Variants in PTPRQ observed in about 807,000 individuals in gnomAD.
PTPRQ encodes phosphatidylinositol phosphatase PTPRQ.
Under a neutral mutation model 246.0 loss-of-function variants are expected in PTPRQ, and 199 were observed. That is an observed-to-expected ratio of 0.81 (90% CI 0.72 to 0.91). The LOEUF is 0.91. PTPRQ is among the 40% of genes least tolerant of loss of function. PTPRQ has a pLI of 0.00. For missense variants in PTPRQ, 2,624 were observed against 2,528.4 expected, an observed-to-expected ratio of 1.04 and a Z score of -0.81; for synonymous variants, 869 against 853.2, an observed-to-expected ratio of 1.02 and a Z score of -0.32.
intron 42 of PTPRQ, 40 bp downstream of exon 42, chr12:80,670,532 C>G (rs1053988831): frequency 2.0e-5 from 29 of 1,426,052 alleles, no homozygotes; most frequent in Non-Finnish European, 2.7e-5. Context: ...ACCCATTGGT[C>G]TTTTTATTAT....
At chr12:80,657,863 T>C (rs925348301) in intron 38 of PTPRQ, 122 bp from the exon 39 acceptor site, 1 of 643,446 alleles carries the variant, frequency 1.6e-6, no homozygotes, top group Non-Finnish European at 2.3e-6. Context: ...CTTTTTAAAA[T>C]TTACCGCCAT....
rs1877814537 is a variant in PTPRQ at position 80,679,374 on chromosome 12, G to A, written c.*351G>A. Reference sequence around the variant, plus strand: ...TTCCCTATGTATTGGATTTAATTTTGAGCAAAAGTTGTAAATGTTGATTCA... The same window carrying A: ...TTCCCTATGTATTGGATTTAATTTTAAGCAAAAGTTGTAAATGTTGATTCA... On this transcript the variant is annotated 3_prime_UTR_variant, in exon 45 of 45. Transcript: ENST00000644991. 1 of 169,368 alleles carries A rather than the reference G, an allele frequency of 5.9e-6. No individual in the cohort carries two copies. Among genetic ancestry groups the A allele is most frequent in the South Asian group, 1.9e-4 (1 of 5,386 alleles). The allele number at this position is 169,368 out of a possible 1,614,324, so 10.5% of individuals were successfully genotyped here. A position where few individuals can be genotyped will look rare whatever the true frequency, so the allele number is the denominator to read the frequency against.
intron 20 of PTPRQ, among the ~76,000 whole-genome samples, 156 bp downstream of exon 20, chr12:80,540,100 T>C (rs1342481509): frequency 6.6e-6 from 1 of 152,104 alleles, no homozygotes; most frequent in Non-Finnish European, 1.5e-5. Flanking sequence ...TACAAAACTA[T>C]TGCAGTAATA....
At chr12:80,669,847 T>A (rs899973371) in intron 41 of PTPRQ, among the ~76,000 whole-genome samples, 2 of 152,094 alleles carry the variant, frequency 1.3e-5, no homozygotes, top group Admixed American at 6.6e-5. Context: ...ATTTTCTATT[T>A]AATCTGCAGC....
intron 6 of PTPRQ, among the ~76,000 whole-genome samples, chr12:80,467,787 C>T (rs1433445540): frequency 4.0e-5 from 6 of 151,456 alleles, no homozygotes; most frequent in Non-Finnish European, 8.8e-5. Context: ...TATTCTCACT[C>T]ATAGGTGGGA....
At chr12:80,511,074 A>G (rs1476209453) in intron 17 of PTPRQ, among the ~76,000 whole-genome samples, 1 of 152,170 alleles carries the variant, frequency 6.6e-6, no homozygotes, top group Non-Finnish European at 1.5e-5. Flanking sequence ...TAGGTAACAC[A>G]TTACCTAGTG....
intron 4 of PTPRQ, 70 bp from the exon 5 acceptor site, chr12:80,459,214 T>G (rs751614551): frequency 1.8e-5 from 7 of 397,168 alleles, no homozygotes; most frequent in Non-Finnish European, 3.1e-5. Flanking sequence ...TCATGTACCA[T>G]GAAATTATAT....
intron 27 of PTPRQ, among the ~76,000 whole-genome samples, chr12:80,610,162 A>G (rs1326237950): frequency 1.3e-5 from 2 of 150,516 alleles, no homozygotes; most frequent in African/African-American, 4.8e-5. Flanking sequence ...GTAGAGTTTC[A>G]TTGACTGCAA....
intron 44 of PTPRQ, 29 bp from the exon 45 acceptor site, chr12:80,678,957 C>T (rs1419519787): frequency 1.3e-6 from 2 of 1,531,458 alleles, no homozygotes; most frequent in African/African-American, 2.8e-5. Context: ...CTTCAACACT[C>T]TCTTGTAACA....
chr12:80,451,149 T>G (rs1002934402), intron 3 of PTPRQ, among the ~76,000 whole-genome samples: 10 of 152,184 alleles, frequency 6.6e-5, no homozygotes, highest in African/African-American at 2.4e-4. Context: ...CTTCTAGATT[T>G]TCTAGTTTAT....
At position 80,620,311 on chromosome 12, in the gene PTPRQ, A is replaced by C. The variant is rs1400595307; in HGVS notation, c.5547A>C (p.Ala1849=). 6.5e-7 allele frequency: 1 copy of C among 1,549,584 alleles called. No homozygotes were observed. The highest frequency in any genetic ancestry group is 8.7e-7 in the Non-Finnish European group (1 of 1,145,600). ...TCTACATCATAGGTGCTGATAATGC[A>C]TGCATGATTCCTGGCAATGAAGACA... ...EEIYIIGADN[A]CMIPGNEDKI... The change falls in exon 32 of 45, where the codon GCA becomes GCC. Residue 1849 remains alanine (A), a synonymous_variant. Coordinates refer to ENST00000644991, the MANE Select transcript of PTPRQ (RefSeq NM_001145026.2).
Position 80,658,081 on chromosome 12 carries a change from AT to A in PTPRQ, c.6192+24del. ...ATTTCTGTAAGTTACTATTTTATAT[AT>A]TTTATAATTGTATAAAACATAATTA... On this transcript the variant is annotated intron_variant, in intron 39 of 44. Transcript: ENST00000644991. 7.9e-7 allele frequency: 1 copy of A among 1,263,674 alleles called. No individual in the cohort carries two copies. Among genetic ancestry groups the A allele is most frequent in the Non-Finnish European group, 1.0e-6 (1 of 960,552 alleles). The allele number at this position is 1,263,674 out of a possible 1,614,324, so 78.3% of individuals were successfully genotyped here.
chr12:80,657,491 A>C (rs1900480604), intron 38 of PTPRQ, among the ~76,000 whole-genome samples: 1 of 151,774 alleles, frequency 6.6e-6, no homozygotes, highest in African/African-American at 2.4e-5. Context: ...TATATTCTAC[A>C]AGTACACTCC....
In PTPRQ at chr12:80,471,473, C is replaced by CTTTTTTTTT. The variant is rs1364723133; in HGVS notation, c.1040-632_1040-631insTTTTTTTTT. 1.3e-4 allele frequency among the ~76,000 whole-genome samples: 5 copies of CTTTTTTTTT among 38,036 alleles called. 1 individual carries two copies. The South Asian group carries it at 2.9e-3, about 22-fold the overall frequency. 25.0% of individuals were successfully genotyped at this position (38,036 alleles called of 152,430 possible). A position where few individuals can be genotyped will look rare whatever the true frequency, so the allele number is the denominator to read the frequency against. Reference sequence around the variant, plus strand: ...TATAGAAGATAATGAAATTATTTAGCATTTTTTTTTTTTTTTTTATTTGAG... The same window carrying CTTTTTTTTT: ...TATAGAAGATAATGAAATTATTTAGCTTTTTTTTTATTTTTTTTTTTTTTTTTATTTGAG... On this transcript the variant is annotated intron_variant, in intron 7 of 44. Coordinates refer to ENST00000644991, the MANE Select transcript of PTPRQ (RefSeq NM_001145026.2).
chr12:80,598,023 G>A lies in PTPRQ; in HGVS notation c.4610-7036G>A, dbSNP rs144311837. On this transcript the variant is annotated intron_variant, in intron 26 of 44. Transcript: ENST00000644991. The stretch of plus-strand genomic sequence containing the variant: ...AACTGAGAGGTTTTCTTTCTATTTT[G>A]TATTTTTTTTCTAGCTTAAGCCAGT... Among the ~76,000 whole-genome samples, 7 of 151,890 alleles carry A rather than the reference G, an allele frequency of 4.6e-5. No individual in the cohort carries two copies. The East Asian group carries it at 1.4e-3, about 29-fold the overall frequency.
In PTPRQ at chr12:80,632,307, GCTTACATTCCAGGATGCT is replaced by G; in HGVS notation, c.5786+17_5786+34del. ...CATTTGCAAGGTAAGATTTATTTGC[GCTTACATTCCAGGATGCT>G]TTATGGGCATTATATCAGTCATAGT... On this transcript the variant is annotated intron_variant, in intron 34 of 44. Transcript: ENST00000644991. The G allele has an allele frequency of 6.4e-7, 1 of 1,551,052 alleles. No individual in the cohort carries two copies.
chr12:80,557,418 C>T (rs1896676316), intron 25 of PTPRQ, among the ~76,000 whole-genome samples: 1 of 150,860 alleles, frequency 6.6e-6, no homozygotes, highest in African/African-American at 2.4e-5. Flanking sequence ...TTGGTTCAAA[C>T]CTATTTCCAA....
intron 29 of PTPRQ, among the ~76,000 whole-genome samples, chr12:80,615,952 A>G (rs984151904): frequency 4.6e-5 from 7 of 150,944 alleles, no homozygotes; most frequent in African/African-American, 1.7e-4. Flanking sequence ...ATCAATTTTT[A>G]GAAATACTTC....
Position 80,534,895 on chromosome 12 carries a change from C to T in PTPRQ, c.2843C>T (p.Pro948Leu). 2 of 1,547,696 alleles carry T rather than the reference C, an allele frequency of 1.3e-6. No homozygotes were observed. The highest frequency in any genetic ancestry group is 1.7e-6 in the Non-Finnish European group (2 of 1,145,456). The stretch of plus-strand genomic sequence containing the variant: ...TGTTCAATTATTTGTTTTATAGCAC[C>T]AAGCGATCCTCCCAAAGATGTTTAT... ...IISFQTPEGAPSDPPKDVYYA... is the reference protein window; with the variant it reads ...IISFQTPEGALSDPPKDVYYA... Residue 948 changes from proline (P) to leucine (L), a missense_variant, in exon 19 of 45, where the codon CCA becomes CTA. Pro to Leu is a moderately conservative substitution (Grantham distance 98, BLOSUM62 -3). Transcript: ENST00000644991.
Sources: allele counts gnomAD v4.1 joint callset (sites outside exome capture counted in the v4.1 genomes callset), GRCh38; gene constraint gnomAD v4.1.1; transcripts MANE v1.5; gene names NCBI Gene and HGNC (gene_info 2026-07-23, HGNC 2026-07-21).